Variants in SGCD observed in about 807,000 individuals in gnomAD.
SGCD encodes delta-sarcoglycan.
In SGCD, 18 loss-of-function variants were observed where a neutral mutation model predicts 36.6. That is an observed-to-expected ratio of 0.49 (90% confidence interval 0.34 to 0.73). The LOEUF (loss-of-function observed/expected upper bound fraction) is 0.73. Ranked by LOEUF, SGCD falls within the 30% of genes least tolerant of loss-of-function variation. The pLI, the probability that SGCD is intolerant of heterozygous loss-of-function variation, is 0.01. For synonymous variants in SGCD, 133 were observed against 130.6 expected, an observed-to-expected ratio of 1.02 and a Z score of -0.12; for missense variants, 387 against 346.7, an observed-to-expected ratio of 1.12 and a Z score of -0.92.
In SGCD at chr5:156,249,989, T is replaced by C. The variant is rs12516419; in HGVS notation, c.-43-79545T>C. 4.1e-3 allele frequency among the ~76,000 whole-genome samples: 621 copies of C among 152,324 alleles called. 2 individuals are homozygous for C. Among genetic ancestry groups the C allele is most frequent in the Middle Eastern group, 0.014 (4 of 294 alleles). ...GCCCATACAGGATTTTAACTATATG[T>C]GTCCATAGATTTTACATGTTACAGA... On this transcript the variant is annotated intron_variant, in intron 3 of 9. Transcript: ENST00000517913.
At chr5:156,594,851 C>A in intron 5 of SGCD, 81 bp from the exon 6 acceptor site, 1 of 940,556 alleles carries the variant, frequency 1.1e-6, no homozygotes, top group Admixed American at 2.2e-5. Context: ...TTTTTGTAGT[C>A]AAAGCGATGA....
chr5:156,721,683 C>G (rs933689778), intron 7 of SGCD, among the ~76,000 whole-genome samples: 1 of 152,084 alleles, frequency 6.6e-6, no homozygotes, highest in Admixed American at 6.5e-5. Context: ...AGAAGAGAGG[C>G]TAGCAAGATG....
At chr5:156,000,076 T>A (rs1447525776) in intron 1 of SGCD, among the ~76,000 whole-genome samples, 2 of 152,202 alleles carry the variant, frequency 1.3e-5, no homozygotes, top group Non-Finnish European at 2.9e-5. Flanking sequence ...TGCACATAGC[T>A]TCAGCCCTGG....
In SGCD at chr5:156,042,002, C is replaced by T. The variant is rs577150955; in HGVS notation, c.-281-75876C>T. On this transcript the variant is annotated intron_variant, in intron 1 of 9. Transcript: ENST00000517913. Reference sequence around the variant, plus strand: ...ATAAAGAGCTTGATCAAAGTGAGAGCTAGTGACCAGGCTGGCACATGTGGA... The same window carrying T: ...ATAAAGAGCTTGATCAAAGTGAGAGTTAGTGACCAGGCTGGCACATGTGGA... Among the ~76,000 whole-genome samples, 4 of 152,196 alleles carry T rather than the reference C, an allele frequency of 2.6e-5. No individual in the cohort carries two copies. The East Asian group carries it at 5.8e-4, about 22-fold the overall frequency.
rs184859893 is a variant in SGCD, at chr5:156,628,874, G to C, written c.503-18590G>C. ...AAGTCTTAGTGCTCCCACTTAACTA[G>C]AGTTGGGATCATAGCAAGTCAGTAA... On this transcript the variant is annotated intron_variant, in intron 6 of 8. Coordinates refer to ENST00000337851, the MANE Select transcript of SGCD (RefSeq NM_000337.6). 2.4e-4 allele frequency among the ~76,000 whole-genome samples: 36 copies of C among 152,290 alleles called. 1 individual carries two copies. The highest frequency in any genetic ancestry group is 6.8e-3 in the Middle Eastern group (2 of 294).
At chr5:156,193,272 C>T (rs1182984126) in intron 3 of SGCD, among the ~76,000 whole-genome samples, 1 of 152,150 alleles carries the variant, frequency 6.6e-6, no homozygotes, top group Non-Finnish European at 1.5e-5. Flanking sequence ...TGCTTACTCT[C>T]CTCTTGATTT....
intron 3 of SGCD, among the ~76,000 whole-genome samples, chr5:156,134,507 CCT>C (rs976153935): frequency 1.3e-5 from 2 of 152,102 alleles, no homozygotes; most frequent in Non-Finnish European, 2.9e-5. Context: ...TTTTAAATCA[CCT>C]CTCTCTTGCA....
intron 7 of SGCD, among the ~76,000 whole-genome samples, chr5:156,695,498 T>G (rs1033182486): frequency 8.8e-6 from 1 of 113,274 alleles, no homozygotes; most frequent in African/African-American, 5.7e-5. Context: ...GATAGATAGA[T>G]AGATAGATAG....
At chr5:156,232,875 C>A (rs1765054931) in intron 3 of SGCD, among the ~76,000 whole-genome samples, 1 of 152,102 alleles carries the variant, frequency 6.6e-6, no homozygotes, top group Admixed American at 6.6e-5. Context: ...ATTAAAAGGA[C>A]CATTTATCCC....
intron 3 of SGCD, among the ~76,000 whole-genome samples, chr5:156,487,788 CAAAAAAAAAAAA>C (rs56006984): frequency 2.7e-4 from 11 of 41,384 alleles, no homozygotes; most frequent in South Asian, 1.4e-3. Context: ...ACTCTGTCAC[CAAAAAAAAAAAA>C]AAAAAAAAAA....
the SGCD span, among the ~76,000 whole-genome samples, chr5:155,758,835 T>A: frequency 9.2e-5 from 14 of 152,166 alleles, no homozygotes; most frequent in Non-Finnish European, 1.6e-4. Context: ...TGACTGACTG[T>A]GGCTCTTTTT....
chr5:156,461,372 A>G (rs1754481617), intron 3 of SGCD, among the ~76,000 whole-genome samples: 1 of 152,164 alleles, frequency 6.6e-6, no homozygotes, highest in Non-Finnish European at 1.5e-5. Flanking sequence ...TTTCTGTAAC[A>G]GGATAACATT....
intron 3 of SGCD, among the ~76,000 whole-genome samples, chr5:156,180,884 A>T (rs902007143): frequency 5.3e-5 from 8 of 152,204 alleles, no homozygotes; most frequent in South Asian, 2.1e-4. Flanking sequence ...AATCTCTTAG[A>T]GCTGCTCTCA....
chr5:156,172,508 A>G (rs958252668), intron 3 of SGCD, among the ~76,000 whole-genome samples: 5 of 152,160 alleles, frequency 3.3e-5, no homozygotes, highest in Non-Finnish European at 5.9e-5. Context: ...AAATTAGGAG[A>G]TTGAGTTTGA....
chr5:155,903,278 G>A (rs1301580193), intron 1 of SGCD, among the ~76,000 whole-genome samples: 1 of 151,980 alleles, frequency 6.6e-6, no homozygotes, highest in Non-Finnish European at 1.5e-5. Flanking sequence ...TTGACAACTG[G>A]GTTATTTCTT....
rs1757514285 is a variant in SGCD at position 156,523,847 on chromosome 5, C to A, written c.294+15145C>A. On this transcript the variant is annotated intron_variant, in intron 4 of 8. Transcript: ENST00000337851. ...TTTATACTGAGGACCTCTGAAGTACCTTGCAGGTGCAGTACCTGGTTTATG... is the reference window on the plus strand; with the variant it reads ...TTTATACTGAGGACCTCTGAAGTACATTGCAGGTGCAGTACCTGGTTTATG... Among the ~76,000 whole-genome samples the A allele has an allele frequency of 3.3e-5, 5 of 151,498 alleles. No homozygotes were observed. In the South Asian group the frequency reaches 8.3e-4, roughly 25 times the overall value.
At chr5:156,470,348 G>GT (rs1187063053) in intron 3 of SGCD, among the ~76,000 whole-genome samples, 56 of 148,854 alleles carry the variant, frequency 3.8e-4, no homozygotes, top group Middle Eastern at 3.5e-3. Flanking sequence ...GATGTTTTGA[G>GT]TTTTTTTTTT....
chr5:156,524,178 G>T (rs1356887755), intron 4 of SGCD, among the ~76,000 whole-genome samples: 2 of 36,542 alleles, frequency 5.5e-5, no homozygotes, highest in Non-Finnish European at 5.8e-5. Context: ...TTTTATATAG[G>T]TCTTACTATA....
Position 156,445,219 on chromosome 5 carries a change from G to A in SGCD, c.193-63382G>A, listed in dbSNP as rs568326764. Among the ~76,000 whole-genome samples, 5 of 152,042 alleles carry A rather than the reference G, an allele frequency of 3.3e-5. No individual in the cohort carries two copies. The South Asian group carries it at 6.2e-4, about 19-fold the overall frequency. ...ACATATCTTTTCATTGCCTTATGTC[G>A]ATGAGTGTGTGTATACATTGTACAC... On this transcript the variant is annotated intron_variant, in intron 3 of 8. Coordinates refer to ENST00000337851, the MANE Select transcript of SGCD (RefSeq NM_000337.6).
Sources: allele counts gnomAD v4.1 joint callset (sites outside exome capture counted in the v4.1 genomes callset), GRCh38; gene constraint gnomAD v4.1.1; transcripts MANE v1.5; gene names NCBI Gene and HGNC (gene_info 2026-07-23, HGNC 2026-07-21).